The following OPCML variants were observed in gnomAD, a reference collection of about 807,000 sequenced individuals.
The protein encoded by OPCML is opioid-binding protein/cell adhesion molecule.
A neutral mutation model predicts 37.8 loss-of-function variants in OPCML; 13 were observed. That is an observed-to-expected ratio of 0.34 (90% CI 0.22 to 0.55). The LOEUF (loss-of-function observed/expected upper bound fraction) is 0.55. Ranked by LOEUF, OPCML falls within the 20% of genes least tolerant of loss-of-function variation. The pLI is 0.91. For synonymous variants in OPCML, 176 were observed against 168.8 expected, an observed-to-expected ratio of 1.04 and a Z score of -0.33; for missense variants, 341 against 435.6, an observed-to-expected ratio of 0.78 and a Z score of 1.93.
chr11:133,281,522 T>G (rs1942154990), intron 1 of OPCML, among the ~76,000 whole-genome samples: 1 of 152,064 alleles, frequency 6.6e-6, no homozygotes, highest in African/African-American at 2.4e-5. Flanking sequence ...TCTTTATAAA[T>G]TACCCAGCCT....
At chr11:132,899,425 A>G (rs1384973231) in intron 2 of OPCML, among the ~76,000 whole-genome samples, 1 of 151,784 alleles carries the variant, frequency 6.6e-6, no homozygotes, top group Non-Finnish European at 1.5e-5. Context: ...TTTACATCAT[A>G]GTGTTTCAGT....
intron 1 of OPCML, among the ~76,000 whole-genome samples, chr11:133,061,607 C>T (rs750032799): frequency 2.0e-5 from 3 of 152,210 alleles, no homozygotes; most frequent in East Asian, 1.9e-4. Flanking sequence ...TATTTCACCA[C>T]GTGTCCTACC....
At chr11:132,575,646 G>T (rs1445507649) in intron 3 of OPCML, among the ~76,000 whole-genome samples, 1 of 151,134 alleles carries the variant, frequency 6.6e-6, no homozygotes, top group African/African-American at 2.4e-5. Context: ...TTTTATTTTT[G>T]AATTAAAAGT....
chr11:133,290,424 A>G (rs1250309318), intron 1 of OPCML, among the ~76,000 whole-genome samples: 1 of 152,184 alleles, frequency 6.6e-6, no homozygotes, highest in East Asian at 1.9e-4. Context: ...TCAAAACTCC[A>G]AGAGGTAATT....
intron 1 of OPCML, among the ~76,000 whole-genome samples, chr11:133,464,077 A>G (rs909521387): frequency 2.7e-5 from 4 of 146,472 alleles, no homozygotes; most frequent in African/African-American, 1.1e-4. Flanking sequence ...AACAGATAAG[A>G]GGGACTCCAA....
At chr11:133,486,490 T>C (rs947961570) in intron 1 of OPCML, among the ~76,000 whole-genome samples, 25 of 152,142 alleles carry the variant, frequency 1.6e-4, no homozygotes, top group Non-Finnish European at 1.6e-4. Context: ...AGAATTACAC[T>C]ATCAGGTTTT....
intron 1 of OPCML, among the ~76,000 whole-genome samples, chr11:133,402,741 T>A (rs987018662): frequency 1.3e-5 from 2 of 152,142 alleles, no homozygotes; most frequent in Non-Finnish European, 2.9e-5. Flanking sequence ...TGCTCCTTCT[T>A]TGACTCATAA....
At chr11:132,883,175 A>G (rs1482301938) in intron 2 of OPCML, among the ~76,000 whole-genome samples, 1 of 152,162 alleles carries the variant, frequency 6.6e-6, no homozygotes, top group Non-Finnish European at 1.5e-5. Context: ...ACGTGAATCT[A>G]CTGGATTAAC....
intron 1 of OPCML, among the ~76,000 whole-genome samples, chr11:133,316,309 T>A (rs1255617008): frequency 6.6e-6 from 1 of 152,006 alleles, no homozygotes; most frequent in African/African-American, 2.4e-5. Flanking sequence ...GCAGGAACAA[T>A]CTAGATATTC....
chr11:133,531,064 A>G (rs1948594944), intron 1 of OPCML, among the ~76,000 whole-genome samples: 1 of 152,206 alleles, frequency 6.6e-6, no homozygotes, highest in African/African-American at 2.4e-5. Flanking sequence ...CTAATGTTTA[A>G]CACAATGCAT....
chr11:133,139,984 C>T (rs1416101583), intron 1 of OPCML, among the ~76,000 whole-genome samples: 3 of 151,538 alleles, frequency 2.0e-5, no homozygotes, highest in African/African-American at 4.8e-5. Context: ...GTCAGGAGTT[C>T]GAGACCAGCC....
At chr11:133,505,806 G>A (rs1481957119) in intron 1 of OPCML, among the ~76,000 whole-genome samples, 3 of 152,212 alleles carry the variant, frequency 2.0e-5, no homozygotes, top group Admixed American at 6.5e-5. Flanking sequence ...CCTCCATGAA[G>A]GCCACATGAA....
At chr11:133,129,430 C>G (rs1949570361) in intron 1 of OPCML, among the ~76,000 whole-genome samples, 2 of 152,106 alleles carry the variant, frequency 1.3e-5, no homozygotes, top group African/African-American at 4.8e-5. Flanking sequence ...AGGGATTAGT[C>G]CTAAGTTCTG....
intron 4 of OPCML, among the ~76,000 whole-genome samples, chr11:132,461,132 C>T (rs981252130): frequency 6.6e-6 from 1 of 152,088 alleles, no homozygotes; most frequent in Non-Finnish European, 1.5e-5. Context: ...TTTGGTCTTC[C>T]TCCCCTCTCC....
intron 2 of OPCML, among the ~76,000 whole-genome samples, chr11:132,808,709 C>T (rs1005296473): frequency 6.6e-6 from 1 of 152,134 alleles, no homozygotes; most frequent in Non-Finnish European, 1.5e-5. Flanking sequence ...AGGTTTGAAG[C>T]AATTTGGGAT....
intron 2 of OPCML, among the ~76,000 whole-genome samples, chr11:132,728,797 A>G (rs1020291670): frequency 1.3e-5 from 2 of 152,220 alleles, no homozygotes; most frequent in Admixed American, 6.5e-5. Flanking sequence ...TCCTGATGCC[A>G]TGTGGAAACA....
intron 4 of OPCML, among the ~76,000 whole-genome samples, chr11:132,494,861 C>G (rs2096226376): frequency 6.6e-6 from 1 of 152,216 alleles, no homozygotes; most frequent in Admixed American, 6.5e-5. Context: ...CTCTTCAAGA[C>G]TCTTTGATGG....
At chr11:133,196,481 C>T (rs957606534) in intron 1 of OPCML, among the ~76,000 whole-genome samples, 3 of 152,140 alleles carry the variant, frequency 2.0e-5, no homozygotes, top group Non-Finnish European at 2.9e-5. Context: ...TTGGTGAAGG[C>T]TATTTTCTAA....
chr11:132,604,698 T>A (rs1431887529), intron 3 of OPCML, among the ~76,000 whole-genome samples: 1 of 152,186 alleles, frequency 6.6e-6, no homozygotes, highest in Non-Finnish European at 1.5e-5. Flanking sequence ...CCTTGAAAAA[T>A]GCAGAATCGA....
Sources: allele counts gnomAD v4.1 joint callset (sites outside exome capture counted in the v4.1 genomes callset), GRCh38; gene constraint gnomAD v4.1.1; transcripts MANE v1.5; gene names NCBI Gene and HGNC (gene_info 2026-07-23, HGNC 2026-07-21).